The following TEAD1 variants were observed in gnomAD, a reference collection of about 807,000 sequenced individuals.
TEAD1 encodes the protein TEA domain transcription factor 1, also known as transcriptional enhancer factor TEF-1.
TEAD1 carries 9 observed loss-of-function variants against 54.9 expected under a neutral mutation model. The observed-to-expected ratio is 0.16, with a 90% confidence interval of 0.10 to 0.29. The LOEUF (loss-of-function observed/expected upper bound fraction) is 0.29, where lower values mean the gene tolerates loss of function less well. Among genes scored for constraint, TEAD1 ranks in the 10% least tolerant of loss-of-function variants. The probability of loss-of-function intolerance (pLI) is 1.00; values close to 1 mark genes in which losing one functional copy is unlikely to be tolerated. For missense variants in TEAD1, 387 were observed against 535.9 expected (o/e 0.72, Z 2.74); for synonymous variants, 200 against 187.8 (o/e 1.07, Z -0.53).
intron 2 of TEAD1, among the ~76,000 whole-genome samples, chr11:12,756,397 T>A (rs1045270597): frequency 3.9e-5 from 6 of 152,200 alleles, no homozygotes; most frequent in Admixed American, 3.9e-4. Context: ...TCTTCTGTGG[T>A]TGCCTACAAA....
intron 3 of TEAD1, among the ~76,000 whole-genome samples, chr11:12,856,841 G>A (rs367860481): frequency 6.6e-6 from 1 of 152,024 alleles, no homozygotes; most frequent in African/African-American, 2.4e-5. Context: ...GACTGGCCAC[G>A]GCCAGGGAAG....
intron 3 of TEAD1, among the ~76,000 whole-genome samples, chr11:12,843,947 G>A (rs950783693): frequency 2.0e-5 from 3 of 152,092 alleles, no homozygotes; most frequent in Non-Finnish European, 2.9e-5. Flanking sequence ...GATCATTTCC[G>A]TTTTCTTTTA....
chr11:12,782,413 C>T (rs1038732476), intron 3 of TEAD1, among the ~76,000 whole-genome samples: 1 of 152,100 alleles, frequency 6.6e-6, no homozygotes, highest in African/African-American at 2.4e-5. Context: ...ATACGAAATG[C>T]CCGGAATAGG....
chr11:12,857,199 A>T (rs1947403000), intron 3 of TEAD1, among the ~76,000 whole-genome samples: 1 of 152,158 alleles, frequency 6.6e-6, no homozygotes, highest in Non-Finnish European at 1.5e-5. Flanking sequence ...ATTATTTAGG[A>T]AAAAGAAAAT....
At chr11:12,926,126 G>T (rs963600617) in intron 11 of TEAD1, among the ~76,000 whole-genome samples, 1 of 152,140 alleles carries the variant, frequency 6.6e-6, no homozygotes, top group African/African-American at 2.4e-5. Flanking sequence ...GTTTTTATTT[G>T]CAGTGGCCCC....
chr11:12,717,258 C>T (rs1261658331), intron 2 of TEAD1, among the ~76,000 whole-genome samples: 1 of 152,108 alleles, frequency 6.6e-6, no homozygotes, highest in African/African-American at 2.4e-5. Context: ...TGTGTGTGTG[C>T]TTGGTATTGT....
At chr11:12,802,777 G>GAGATACCGAGGCCTGCTTGCCCC (rs1275717836) in intron 3 of TEAD1, among the ~76,000 whole-genome samples, 1 of 152,204 alleles carries the variant, frequency 6.6e-6, no homozygotes, top group African/African-American at 2.4e-5. Context: ...TGCTCACTCG[G>GAGATACCGAGGCCTGCTTGCCCC]AGATACCGAG....
At chr11:12,858,371 A>G (rs1361204851) in intron 3 of TEAD1, among the ~76,000 whole-genome samples, 1 of 152,208 alleles carries the variant, frequency 6.6e-6, no homozygotes, top group Non-Finnish European at 1.5e-5. Context: ...TGTATATTTG[A>G]TATTTCAAGT....
chr11:12,880,164 G>T (rs1261917174), intron 6 of TEAD1, among the ~76,000 whole-genome samples: 1 of 152,172 alleles, frequency 6.6e-6, no homozygotes, highest in Non-Finnish European at 1.5e-5. Flanking sequence ...TCTGGGTTGG[G>T]CTCAGGCGTC....
intron 2 of TEAD1, among the ~76,000 whole-genome samples, chr11:12,721,978 G>T (rs766059008): frequency 6.6e-6 from 1 of 152,148 alleles, no homozygotes; most frequent in Non-Finnish European, 1.5e-5. Context: ...TCAGATTCAG[G>T]TGCCTCACTC....
chr11:12,798,714 G>A (rs2133972591), intron 3 of TEAD1, among the ~76,000 whole-genome samples: 1 of 152,334 alleles, frequency 6.6e-6, no homozygotes, highest in South Asian at 2.1e-4. Flanking sequence ...GTTGAGTTTG[G>A]CACCAAATCA....
intron 2 of TEAD1, among the ~76,000 whole-genome samples, chr11:12,681,874 A>T (rs2133811865): frequency 6.6e-6 from 1 of 152,328 alleles, no homozygotes; most frequent in African/African-American, 2.4e-5. Flanking sequence ...TACATGGCTA[A>T]CTCAGGATGG....
chr11:12,683,250 G>A (rs759240155), intron 2 of TEAD1, among the ~76,000 whole-genome samples: 11 of 152,254 alleles, frequency 7.2e-5, no homozygotes, highest in African/African-American at 1.4e-4. Flanking sequence ...ACAGTAGTAC[G>A]TCTGAAATAA....
chr11:12,752,213 G>GTTTTTTT, intron 2 of TEAD1, among the ~76,000 whole-genome samples: 1 of 101,030 alleles, frequency 9.9e-6, no homozygotes, highest in South Asian at 4.0e-4. Flanking sequence ...AAACAGGGCA[G>GTTTTTTT]TTTTTTTTTT....
intron 2 of TEAD1, among the ~76,000 whole-genome samples, chr11:12,727,007 A>G (rs1392239704): frequency 1.3e-5 from 2 of 152,130 alleles, no homozygotes; most frequent in Non-Finnish European, 2.9e-5. Flanking sequence ...TGGGAGCCTG[A>G]GGCGGGCAGA....
intron 3 of TEAD1, among the ~76,000 whole-genome samples, chr11:12,844,750 G>C (rs191039958): frequency 6.6e-6 from 1 of 152,134 alleles, no homozygotes; most frequent in African/African-American, 2.4e-5. Flanking sequence ...AAAGCCAGCC[G>C]GCTGGCCCTT....
At chr11:12,867,086 T>C (rs1947633935) in intron 5 of TEAD1, among the ~76,000 whole-genome samples, 1 of 152,202 alleles carries the variant, frequency 6.6e-6, no homozygotes, top group Non-Finnish European at 1.5e-5. Context: ...GGCATGATAC[T>C]GAGGAAACTG....
intron 10 of TEAD1, among the ~76,000 whole-genome samples, chr11:12,909,584 A>G (rs1948582354): frequency 6.6e-6 from 1 of 152,142 alleles, no homozygotes; most frequent in Admixed American, 6.5e-5. Flanking sequence ...ACAGACCACC[A>G]TGGCACACGT....
intron 2 of TEAD1, among the ~76,000 whole-genome samples, chr11:12,677,392 C>T (rs897794223): frequency 6.6e-6 from 1 of 152,090 alleles, no homozygotes; most frequent in Non-Finnish European, 1.5e-5. Flanking sequence ...CGGCTTCCTC[C>T]TCCCTTTCCC....
Sources: gnomAD v4.1 joint callset for allele counts (sites outside exome capture counted in the v4.1 genomes callset) on GRCh38, gnomAD v4.1.1 for gene constraint, MANE v1.5 for transcripts, NCBI Gene and HGNC (gene_info 2026-07-23, HGNC 2026-07-21) for gene names.